ATXN7L1: variants seen among roughly 807,000 people sequenced by gnomAD.
ATXN7L1 encodes the protein ataxin-7-like protein 1.
In ATXN7L1, 15 loss-of-function variants were observed where a neutral mutation model predicts 70.8. That is an observed-to-expected ratio of 0.21 (90% CI 0.14 to 0.33). The LOEUF is 0.33. Ranked by LOEUF, ATXN7L1 falls within the 10% of genes least tolerant of loss-of-function variation. The pLI, the probability that ATXN7L1 is intolerant of heterozygous loss-of-function variation, is 1.00. For synonymous variants in ATXN7L1, 440 were observed against 445.1 expected (o/e 0.99, Z 0.14); for missense variants, 975 against 1,097.1 (o/e 0.89, Z 1.57).
chr7:105,823,235 C>T (rs1179871488), intron 2 of ATXN7L1, among the ~76,000 whole-genome samples: 3 of 152,090 alleles, frequency 2.0e-5, no homozygotes, highest in African/African-American at 4.8e-5. Context: ...CCTACAAAGT[C>T]GAAGGCTGAC....
At chr7:105,761,107 C>T in intron 3 of ATXN7L1, 1 of 1,088,640 alleles carries the variant, frequency 9.2e-7, no homozygotes, top group African/African-American at 1.6e-5. Context: ...AAGGCTTTTG[C>T]AGTTGTCCAG....
At chr7:105,709,158 C>T (rs1296910141) in intron 3 of ATXN7L1, among the ~76,000 whole-genome samples, 1 of 152,096 alleles carries the variant, frequency 6.6e-6, no homozygotes, top group East Asian at 1.9e-4. Context: ...CATGGTGAAA[C>T]CTTGTCTCTA....
At chr7:105,734,142 T>C (rs1198382359) in intron 3 of ATXN7L1, among the ~76,000 whole-genome samples, 1 of 152,218 alleles carries the variant, frequency 6.6e-6, no homozygotes, top group African/African-American at 2.4e-5. Context: ...TTCTGAGTAT[T>C]AGTTTCCTCA....
At chr7:105,668,265 A>C (rs1453081843) in intron 3 of ATXN7L1, among the ~76,000 whole-genome samples, 6 of 151,952 alleles carry the variant, frequency 3.9e-5, no homozygotes, top group Non-Finnish European at 7.4e-5. Context: ...CAGAAAAAAA[A>C]CTCTGTCACC....
Position 105,733,570 on chromosome 7 carries a change from C to CATCCATCCACCCATCCATT in ATXN7L1, c.355+55033_355+55034insAATGGATGGGTGGATGGAT, listed in dbSNP as rs1563048752. 4.0e-4 allele frequency among the ~76,000 whole-genome samples: 38 copies of CATCCATCCACCCATCCATT among 94,334 alleles called. 5 individuals are homozygous for CATCCATCCACCCATCCATT. Among genetic ancestry groups the CATCCATCCACCCATCCATT allele is most frequent in the Non-Finnish European group, 7.0e-4 (31 of 44,390 alleles). 61.9% of individuals were successfully genotyped at this position (94,334 alleles called of 152,430 possible). A position where few individuals can be genotyped will look rare whatever the true frequency, so the allele number is the denominator to read the frequency against. ...TCCATCCATCCACCCATCCATCCTT[C>CATCCATCCACCCATCCATT]CATCCATCCACCCATCCATCCATCC... On this transcript the variant is annotated intron_variant, in intron 3 of 11. Transcript: ENST00000419735.
chr7:105,608,009 C>G (rs1792834211), intron 11 of ATXN7L1, 119 bp from the exon 12 acceptor site: 1 of 905,166 alleles, frequency 1.1e-6, no homozygotes, highest in Non-Finnish European at 1.7e-6. Flanking sequence ...ATCCCACCTC[C>G]CATATCCAGC....
In ATXN7L1 at chr7:105,856,332, T is replaced by C. The variant is rs537750164; in HGVS notation, c.250+19480A>G. Among the ~76,000 whole-genome samples, 228 of 152,328 alleles carry C rather than the reference T, an allele frequency of 1.5e-3. 1 individual carries two copies. Among genetic ancestry groups the C allele is most frequent in the African/African-American group, 5.2e-3 (218 of 41,574 alleles). On this transcript the variant is annotated intron_variant, in intron 2 of 11. Coordinates refer to ENST00000419735, the MANE Select transcript of ATXN7L1 (RefSeq NM_020725.2). ...TGGGCATAGTGGCTCAGGCCTGTAATCCCAGCACTTTGGGAGGCTGAGGCG... is the reference window on the plus strand; with the variant it reads ...TGGGCATAGTGGCTCAGGCCTGTAACCCCAGCACTTTGGGAGGCTGAGGCG...
At chr7:105,814,168 C>T (rs551805171) in intron 2 of ATXN7L1, among the ~76,000 whole-genome samples, 1 of 152,360 alleles carries the variant, frequency 6.6e-6, no homozygotes, top group East Asian at 1.9e-4. Flanking sequence ...ATCCTCTCTA[C>T]CTGGGGACCA....
chr7:105,618,131 C>A (rs746198280), intron 9 of ATXN7L1: 2 of 451,250 alleles, frequency 4.4e-6, no homozygotes, highest in South Asian at 1.6e-5. Context: ...CTTGAGCTGA[C>A]AGGACACCAG....
intron 1 of ATXN7L1, 110 bp from the exon 2 acceptor site, chr7:105,875,990 A>T: frequency 1.1e-6 from 1 of 942,338 alleles, no homozygotes; most frequent in Non-Finnish European, 1.7e-6. Flanking sequence ...CGATATAAAT[A>T]CTGTATATGA....
chr7:105,853,595 C>A (rs1340169219), intron 2 of ATXN7L1, among the ~76,000 whole-genome samples: 3 of 148,472 alleles, frequency 2.0e-5, no homozygotes, highest in Middle Eastern at 3.2e-3. Flanking sequence ...ACAAAAAAAA[C>A]AAAAAAAGCC....
In ATXN7L1 at chr7:105,606,661, T is replaced by C. The variant is rs1792777786; in HGVS notation, c.*1191A>G. 1 of 152,308 alleles carries C rather than the reference T, an allele frequency of 6.6e-6. No homozygotes were observed. The highest frequency in any genetic ancestry group is 1.5e-5 in the Non-Finnish European group (1 of 68,126). The allele number at this position is 152,308 out of a possible 1,614,324, so 9.4% of individuals were successfully genotyped here. ...GCGTGGCTCTTCCAAATGGCTGTTC[T>C]TCACTGAGCAGTGGCTGTCCTTACC... On this transcript the variant is annotated 3_prime_UTR_variant, in exon 12 of 12. Coordinates refer to ENST00000419735, the MANE Select transcript of ATXN7L1 (RefSeq NM_020725.2).
chr7:105,830,507 T>C (rs1811457018), intron 2 of ATXN7L1, among the ~76,000 whole-genome samples: 1 of 152,248 alleles, frequency 6.6e-6, no homozygotes, highest in Non-Finnish European at 1.5e-5. Context: ...GGAAATGTTA[T>C]ACATACCTAA....
chr7:105,625,185 G>C (rs924423071), intron 7 of ATXN7L1, among the ~76,000 whole-genome samples: 14 of 152,234 alleles, frequency 9.2e-5, no homozygotes, highest in African/African-American at 3.4e-4. Context: ...ACCCATGCCT[G>C]TTACTTAATA....
intron 7 of ATXN7L1, among the ~76,000 whole-genome samples, chr7:105,626,101 C>G (rs1017972614): frequency 6.6e-6 from 1 of 152,190 alleles, no homozygotes; most frequent in East Asian, 1.9e-4. Flanking sequence ...AAAGTATAGT[C>G]ACTTAAAAAC....
At chr7:105,720,290 T>C (rs1009423150) in intron 3 of ATXN7L1, among the ~76,000 whole-genome samples, 1 of 152,080 alleles carries the variant, frequency 6.6e-6, no homozygotes, top group African/African-American at 2.4e-5. Context: ...TCCCAGCACT[T>C]TGGGAGGCTG....
chr7:105,846,178 C>T (rs1470613066), intron 2 of ATXN7L1, among the ~76,000 whole-genome samples: 1 of 151,726 alleles, frequency 6.6e-6, no homozygotes, highest in Non-Finnish European at 1.5e-5. Flanking sequence ...TATACATATC[C>T]AGAATAAATA....
At chr7:105,664,120 C>T (rs896123771) in intron 4 of ATXN7L1, among the ~76,000 whole-genome samples, 5 of 152,136 alleles carry the variant, frequency 3.3e-5, no homozygotes, top group African/African-American at 4.8e-5. Context: ...TGACCTTCTA[C>T]TTGGCTTTCT....
In ATXN7L1 at chr7:105,690,933, C is replaced by T. The variant is rs117168684; in HGVS notation, c.356-25645G>A. 2.8e-4 allele frequency among the ~76,000 whole-genome samples: 42 copies of T among 152,342 alleles called. 1 individual carries two copies. The East Asian group carries it at 7.9e-3, about 29-fold the overall frequency. ...CACGGGCCCCCAAAGATGCTACCAC[C>T]AGGCCAGAAAATCACACAGATAAAG... On this transcript the variant is annotated intron_variant, in intron 3 of 11. Coordinates refer to ENST00000419735, the MANE Select transcript of ATXN7L1 (RefSeq NM_020725.2).
Sources: allele counts gnomAD v4.1 joint callset (sites outside exome capture counted in the v4.1 genomes callset), GRCh38; gene constraint gnomAD v4.1.1; transcripts MANE v1.5; gene names NCBI Gene and HGNC (gene_info 2026-07-23, HGNC 2026-07-21).